Variants in DPP6 observed in about 807,000 individuals in gnomAD.
DPP6 encodes dipeptidyl peptidase like 6.
Under a neutral mutation model 122.6 loss-of-function variants are expected in DPP6, and 69 were observed. That is an observed-to-expected ratio of 0.56 (90% CI 0.46 to 0.69). The LOEUF (loss-of-function observed/expected upper bound fraction) is 0.69. DPP6 is among the 30% of genes least tolerant of loss of function. The pLI is 0.00. For synonymous variants in DPP6, 418 were observed against 433.1 expected (o/e 0.97, Z 0.43); for missense variants, 928 against 1,116.9 (o/e 0.83, Z 2.41).
At chr7:154,364,341 C>T (rs1304059918) in intron 1 of DPP6, among the ~76,000 whole-genome samples, 1 of 152,184 alleles carries the variant, frequency 6.6e-6, no homozygotes, top group Non-Finnish European at 1.5e-5. Flanking sequence ...AGGCAGAGCA[C>T]AGCTACAGGC....
At chr7:154,075,163 G>A (rs1345197805) in intron 1 of DPP6, among the ~76,000 whole-genome samples, 3 of 151,732 alleles carry the variant, frequency 2.0e-5, no homozygotes, top group Non-Finnish European at 4.4e-5. Flanking sequence ...AATAGATGTT[G>A]GCATGGATAT....
intron 1 of DPP6, among the ~76,000 whole-genome samples, chr7:154,402,621 A>G (rs1323901030): frequency 7.4e-6 from 1 of 134,920 alleles, no homozygotes; most frequent in East Asian, 2.4e-4. Flanking sequence ...GGGGGGAGGG[A>G]TAGCATTGGG....
intron 1 of DPP6, among the ~76,000 whole-genome samples, chr7:154,439,225 A>C (rs552346497): frequency 1.2e-4 from 19 of 152,322 alleles, no homozygotes; most frequent in Non-Finnish European, 2.8e-4. Flanking sequence ...ACTCATCTCA[A>C]AATCGCCTGT....
At chr7:153,940,910 C>G (rs981717921) in intron 1 of DPP6, among the ~76,000 whole-genome samples, 5 of 152,168 alleles carry the variant, frequency 3.3e-5, no homozygotes, top group African/African-American at 1.2e-4. Context: ...TCCGAAATCT[C>G]TCCTGTAGCG....
At chr7:154,596,937 A>T (rs1344075129) in intron 5 of DPP6, among the ~76,000 whole-genome samples, 1 of 152,202 alleles carries the variant, frequency 6.6e-6, no homozygotes, top group Non-Finnish European at 1.5e-5. Flanking sequence ...GTATTCTCCA[A>T]GTTATTAGCT....
intron 10 of DPP6, among the ~76,000 whole-genome samples, chr7:154,790,062 G>A (rs1395498564): frequency 1.3e-5 from 2 of 152,142 alleles, no homozygotes; most frequent in African/African-American, 4.8e-5. Context: ...GCCGGGCATG[G>A]TAGCAGGCAC....
At chr7:154,064,821 A>G (rs1161825381) in intron 1 of DPP6, among the ~76,000 whole-genome samples, 1 of 152,178 alleles carries the variant, frequency 6.6e-6, no homozygotes, top group African/African-American at 2.4e-5. Context: ...CACTGGTCAC[A>G]TGGCCCAGCC....
intron 5 of DPP6, among the ~76,000 whole-genome samples, chr7:154,620,058 A>G (rs1414452619): frequency 6.6e-6 from 1 of 152,222 alleles, no homozygotes; most frequent in East Asian, 1.9e-4. Context: ...AGCACGTTGA[A>G]TGATTCTGAT....
chr7:154,087,037 G>A (rs1804475651), intron 1 of DPP6, among the ~76,000 whole-genome samples: 1 of 152,154 alleles, frequency 6.6e-6, no homozygotes, highest in African/African-American at 2.4e-5. Context: ...TGCTGAGAAT[G>A]AGGTGCAGGG....
At chr7:153,804,608 C>T in the DPP6 span, among the ~76,000 whole-genome samples, 1 of 152,058 alleles carries the variant, frequency 6.6e-6, no homozygotes, top group African/African-American at 2.4e-5. Context: ...CATTTAAAAA[C>T]TTACAGCTGG....
intron 1 of DPP6, among the ~76,000 whole-genome samples, chr7:154,023,363 T>A (rs1202988682): frequency 4.1e-5 from 3 of 72,870 alleles, no homozygotes; most frequent in African/African-American, 1.9e-4. Context: ...CACACACACT[T>A]CTTAAGTCTG....
intron 3 of DPP6, among the ~76,000 whole-genome samples, chr7:154,485,550 T>C (rs10952484): frequency 0.66 from 99,889 of 151,900 alleles, 33,049 homozygotes; most frequent in Admixed American, 0.72. Context: ...CGGCCAGGCT[T>C]ATCCTTAAAT....
At chr7:154,629,266 T>A (rs1835268924) in intron 5 of DPP6, among the ~76,000 whole-genome samples, 1 of 152,192 alleles carries the variant, frequency 6.6e-6, no homozygotes, top group African/African-American at 2.4e-5. Flanking sequence ...ACACTTCATT[T>A]TCTCATTTTC....
the DPP6 span, among the ~76,000 whole-genome samples, chr7:153,763,022 TG>T: frequency 2.6e-5 from 4 of 152,156 alleles, no homozygotes; most frequent in African/African-American, 9.7e-5. Context: ...CAGCCGTGCA[TG>T]GTCATGAGCA....
chr7:154,879,707 ACG>A (rs1805218294), intron 20 of DPP6, among the ~76,000 whole-genome samples: 2 of 151,894 alleles, frequency 1.3e-5, no homozygotes, highest in East Asian at 1.9e-4. Flanking sequence ...AGCCACGATC[ACG>A]CCACTGCACT....
chr7:154,200,763 T>C (rs567222408), intron 1 of DPP6, among the ~76,000 whole-genome samples: 244 of 152,312 alleles, frequency 1.6e-3, no homozygotes, highest in Middle Eastern at 0.01. Context: ...TATTTTAGAA[T>C]ACGGAAATGC....
At chr7:154,415,180 C>T (rs1474894179) in intron 1 of DPP6, among the ~76,000 whole-genome samples, 1 of 152,124 alleles carries the variant, frequency 6.6e-6, no homozygotes, top group South Asian at 2.1e-4. Flanking sequence ...CACATACTAT[C>T]TAGACCAAGC....
At chr7:154,503,669 T>TTTAA (rs61143027) in intron 3 of DPP6, among the ~76,000 whole-genome samples, 40,131 of 152,030 alleles carry the variant, frequency 0.26, 5,440 homozygotes, top group Non-Finnish European at 0.29. Flanking sequence ...AGCCACAACA[T>TTTAA]TTAAGATCAG....
At chr7:154,600,206 C>A (rs2130773005) in intron 5 of DPP6, among the ~76,000 whole-genome samples, 2 of 149,878 alleles carry the variant, frequency 1.3e-5, no homozygotes, top group East Asian at 4.0e-4. Flanking sequence ...CAGCTCACTG[C>A]AACCTCTGCC....
Sources: gnomAD v4.1 joint callset for allele counts (sites outside exome capture counted in the v4.1 genomes callset) on GRCh38, gnomAD v4.1.1 for gene constraint, MANE v1.5 for transcripts, NCBI Gene and HGNC (gene_info 2026-07-23, HGNC 2026-07-21) for gene names.